The following MDGA2 variants were observed in gnomAD, a reference collection of about 807,000 sequenced individuals.
MDGA2 encodes the protein MAM domain-containing glycosylphosphatidylinositol anchor protein 2.
MDGA2 carries 40 observed loss-of-function variants against 117.8 expected under a neutral mutation model. The ratio of observed to expected loss-of-function variants is 0.34; its 90% CI spans 0.26 to 0.44. MDGA2 has a LOEUF of 0.44. Among genes scored for constraint, MDGA2 ranks in the 20% least tolerant of loss-of-function variants. The pLI, the probability that MDGA2 is intolerant of heterozygous loss-of-function variation, is 1.00. For missense variants in MDGA2, 1,123 were observed against 1,250.6 expected (o/e 0.90, Z 1.54); for synonymous variants, 452 against 439.0 (o/e 1.03, Z -0.37).
intron 2 of MDGA2, among the ~76,000 whole-genome samples, chr14:47,259,706 A>G (rs867313473): frequency 1.3e-5 from 2 of 152,188 alleles, no homozygotes; most frequent in Middle Eastern, 3.4e-3. Context: ...TCCGAAGAAA[A>G]GTGGCTTTAG....
chr14:47,610,414 C>CGTGA (rs1896826178), intron 1 of MDGA2, among the ~76,000 whole-genome samples: 5 of 151,954 alleles, frequency 3.3e-5, no homozygotes, highest in Non-Finnish European at 7.4e-5. Flanking sequence ...TCGTGAAAAC[C>CGTGA]CTAATGACTC....
At chr14:47,009,549 C>T (rs113118639) in intron 8 of MDGA2, among the ~76,000 whole-genome samples, 161 of 152,096 alleles carry the variant, frequency 1.1e-3, no homozygotes, top group African/African-American at 3.6e-3. Flanking sequence ...GCAATACAAA[C>T]TCAAAGGGGA....
In MDGA2 at chr14:47,484,121, T is replaced by G. The variant is rs1894009353; in HGVS notation, c.281-182571A>C. On this transcript the variant is annotated intron_variant, in intron 1 of 16. Coordinates refer to ENST00000399232, the MANE Select transcript of MDGA2 (RefSeq NM_001113498.3). ...GTATATGGCTACATGCATATTTCTATTTCCTTCACAGATTTATCACTTTTT... is the reference window on the plus strand; with the variant it reads ...GTATATGGCTACATGCATATTTCTAGTTCCTTCACAGATTTATCACTTTTT... Among the ~76,000 whole-genome samples the G allele has an allele frequency of 2.0e-5, 3 of 152,332 alleles. No homozygotes were observed. In the South Asian group the frequency reaches 6.2e-4, roughly 32 times the overall value.
intron 6 of MDGA2, among the ~76,000 whole-genome samples, chr14:47,085,959 A>G (rs1890879999): frequency 6.6e-6 from 1 of 152,132 alleles, no homozygotes; most frequent in African/African-American, 2.4e-5. Context: ...AGAAAAGAAT[A>G]TATCTCAATG....
intron 1 of MDGA2, among the ~76,000 whole-genome samples, chr14:47,607,398 C>T (rs1357737288): frequency 1.3e-5 from 2 of 152,092 alleles, no homozygotes; most frequent in African/African-American, 4.8e-5. Flanking sequence ...AATTTTACTG[C>T]AGCTAAGAAG....
chr14:47,637,705 A>G (rs183557695), intron 1 of MDGA2, among the ~76,000 whole-genome samples: 1 of 152,372 alleles, frequency 6.6e-6, no homozygotes, highest in Admixed American at 6.5e-5. Flanking sequence ...CGAATTCACC[A>G]TAGAAAATGT....
chr14:47,631,115 C>G (rs1215766216), intron 1 of MDGA2, among the ~76,000 whole-genome samples: 1 of 152,152 alleles, frequency 6.6e-6, no homozygotes, highest in Non-Finnish European at 1.5e-5. Flanking sequence ...AGTAGTAATT[C>G]CTAGATGCTA....
chr14:47,452,857 C>T (rs1298780667), intron 1 of MDGA2, among the ~76,000 whole-genome samples: 1 of 151,922 alleles, frequency 6.6e-6, no homozygotes, highest in Non-Finnish European at 1.5e-5. Context: ...GGTTAAAAGG[C>T]AAAAATTACA....
chr14:47,269,495 A>G (rs1888075722), intron 2 of MDGA2, among the ~76,000 whole-genome samples: 1 of 152,160 alleles, frequency 6.6e-6, no homozygotes, highest in South Asian at 2.1e-4. Flanking sequence ...AGCAGTAGTA[A>G]TAACTCATTC....
At chr14:47,504,953 A>C (rs557121293) in intron 1 of MDGA2, among the ~76,000 whole-genome samples, 21 of 152,308 alleles carry the variant, frequency 1.4e-4, no homozygotes, top group South Asian at 6.2e-4. Context: ...CTAGCTGTCC[A>C]CCAACAAATT....
chr14:47,377,950 G>A (rs1447723979), intron 1 of MDGA2, among the ~76,000 whole-genome samples: 1 of 152,186 alleles, frequency 6.6e-6, no homozygotes, highest in East Asian at 1.9e-4. Context: ...CTAACTGTGA[G>A]ACAACTCCCA....
At chr14:46,984,737 TG>T (rs1166186563) in intron 8 of MDGA2, among the ~76,000 whole-genome samples, 1 of 152,040 alleles carries the variant, frequency 6.6e-6, no homozygotes, top group Admixed American at 6.6e-5. Flanking sequence ...ATTGCCAATT[TG>T]CAAAAGAATT....
chr14:47,623,913 TTTTG>T (rs1195755921), intron 1 of MDGA2, among the ~76,000 whole-genome samples: 1 of 152,194 alleles, frequency 6.6e-6, no homozygotes, highest in Non-Finnish European at 1.5e-5. Flanking sequence ...AAACAAATTC[TTTTG>T]TTTAATTCCC....
At chr14:47,442,639 G>A (rs1237238708) in intron 1 of MDGA2, among the ~76,000 whole-genome samples, 1 of 152,106 alleles carries the variant, frequency 6.6e-6, no homozygotes, top group Non-Finnish European at 1.5e-5. Context: ...ATTAAATAGT[G>A]AGGCACAGCA....
At chr14:47,000,340 T>TAA (rs1375990304) in intron 8 of MDGA2, among the ~76,000 whole-genome samples, 1 of 136,944 alleles carries the variant, frequency 7.3e-6, no homozygotes, top group African/African-American at 2.7e-5. Flanking sequence ...TATTTATATA[T>TAA]ATATATATAC....
rs553343083 is a variant in MDGA2 at position 46,889,689 on chromosome 14, C to T, written c.2239-7468G>A. Among the ~76,000 whole-genome samples the T allele has an allele frequency of 2.0e-4, 31 of 152,102 alleles. 1 individual carries two copies. The South Asian group carries it at 5.8e-3, about 29-fold the overall frequency. On this transcript the variant is annotated intron_variant, in intron 10 of 16. Coordinates refer to ENST00000399232, the MANE Select transcript of MDGA2 (RefSeq NM_001113498.3). ...ATTATCTTTCCCTTTTCTTTTGAAG[C>T]GGTGTGGGATTGGTGAATCCTGACA...
At chr14:46,936,796 C>T (rs1297028169) in intron 9 of MDGA2, among the ~76,000 whole-genome samples, 1 of 151,250 alleles carries the variant, frequency 6.6e-6, no homozygotes, top group East Asian at 1.9e-4. Context: ...GGAACTTCAA[C>T]ACAATAATGT....
chr14:47,360,570 T>C (rs1029898770), intron 1 of MDGA2, among the ~76,000 whole-genome samples: 1 of 152,026 alleles, frequency 6.6e-6, no homozygotes, highest in African/African-American at 2.4e-5. Context: ...AGACAAGAGA[T>C]AACAAGTATT....
chr14:47,559,906 T>C (rs1260518730), intron 1 of MDGA2, among the ~76,000 whole-genome samples: 1 of 151,944 alleles, frequency 6.6e-6, no homozygotes, highest in Admixed American at 6.6e-5. Context: ...TTATATTCCT[T>C]TGGGAATATA....
Sources: gnomAD v4.1 joint callset for allele counts (sites outside exome capture counted in the v4.1 genomes callset) on GRCh38, gnomAD v4.1.1 for gene constraint, MANE v1.5 for transcripts, NCBI Gene and HGNC (gene_info 2026-07-23, HGNC 2026-07-21) for gene names.